The following NAPA variants were observed in gnomAD, a reference collection of about 807,000 sequenced individuals.
NAPA encodes the protein alpha-soluble NSF attachment protein.
A neutral mutation model predicts 48.0 loss-of-function variants in NAPA; 18 were observed. That is an observed-to-expected ratio of 0.38 (90% confidence interval 0.26 to 0.56). The LOEUF is 0.56. NAPA is among the 20% of genes least tolerant of loss of function. NAPA has a pLI of 0.77. For synonymous variants in NAPA, 152 were observed against 149.9 expected, an observed-to-expected ratio of 1.01 and a Z score of -0.10; for missense variants, 315 against 385.0, an observed-to-expected ratio of 0.82 and a Z score of 1.52.
chr19:47,485,305 T>G (rs10413780), downstream of NAPA, among the ~76,000 whole-genome samples: 99 of 152,266 alleles, frequency 6.5e-4, no homozygotes, highest in African/African-American at 2.3e-3. Context: ...TATCCCAGTT[T>G]AGAGAGAATC....
intron 3 of NAPA, chr19:47,496,698 T>C: frequency 3.3e-6 from 1 of 302,678 alleles, no homozygotes; most frequent in Non-Finnish European, 6.7e-6. Flanking sequence ...GGGGCTGGGC[T>C]CCTCTCAAGG....
chr19:47,498,958 A>G (rs1968501946), intron 3 of NAPA, among the ~76,000 whole-genome samples: 1 of 152,106 alleles, frequency 6.6e-6, no homozygotes, highest in South Asian at 2.1e-4. Flanking sequence ...TCCTTGAAAG[A>G]TCTCCCATAG....
At chr19:47,513,938 C>T (rs965799543) in intron 1 of NAPA, among the ~76,000 whole-genome samples, 1 of 33,802 alleles carries the variant, frequency 3.0e-5, no homozygotes, top group Non-Finnish European at 1.6e-4. Context: ...CAACCTCTAC[C>T]TCCGGGTTCA....
chr19:47,514,984 G>A lies in NAPA; in HGVS notation c.-44C>T, dbSNP rs1169242721. ...CAGCAAAGCGCCTGACCCTGACCCT[G>A]GGAAGACTCAGCCGCGGCCGGGCCG... On this transcript the variant is annotated 5_prime_UTR_variant, in exon 1 of 11. Coordinates refer to ENST00000263354, the MANE Select transcript of NAPA (RefSeq NM_003827.4). 6.3e-7 allele frequency: 1 copy of A among 1,586,980 alleles called. No homozygotes were observed. The highest frequency in any genetic ancestry group is 1.7e-5 in the Admixed American group (1 of 58,418).
Position 47,488,274 on chromosome 19 carries a change from G to T in NAPA, c.*14C>A, listed in dbSNP as rs1968130808. 1 of 1,603,170 alleles carries T rather than the reference G, an allele frequency of 6.2e-7. No homozygotes were observed. The highest frequency in any genetic ancestry group is 1.1e-5 in the South Asian group (1 of 90,794). On this transcript the variant is annotated 3_prime_UTR_variant, in exon 11 of 11. Coordinates refer to ENST00000263354, the MANE Select transcript of NAPA (RefSeq NM_003827.4). ...ATGGGACAGGAAGACGGGCACTGGG[G>T]GGCTGGGTGGGGCTTAGCGCAGGTC...
At chr19:47,487,476 T>C (rs953855414), downstream of NAPA, among the ~76,000 whole-genome samples, 12 of 151,754 alleles carry the variant, frequency 7.9e-5, no homozygotes, top group Non-Finnish European at 1.0e-4. Flanking sequence ...CGTCCCTGGG[T>C]CTCCCCCACC....
downstream of NAPA, among the ~76,000 whole-genome samples, chr19:47,485,692 C>A (rs968463806): frequency 1.3e-5 from 2 of 152,164 alleles, no homozygotes; most frequent in Admixed American, 1.3e-4. Context: ...ACAGCTCTTA[C>A]ATGATGGAAA....
chr19:47,507,122 G>C (rs2122772953), intron 1 of NAPA: 1 of 152,454 alleles, frequency 6.6e-6, no homozygotes, highest in East Asian at 1.9e-4. Flanking sequence ...CCTCCCCCAA[G>C]CTGCCTCTGC....
rs1599897947 is a variant in NAPA, at chr19:47,493,788, A to G, written c.343-295T>C. 2 of 431,672 alleles carry G rather than the reference A, an allele frequency of 4.6e-6. No individual in the cohort carries two copies. The highest frequency in any genetic ancestry group is 7.9e-5 in the East Asian group (2 of 25,176). The allele number at this position is 431,672 out of a possible 1,614,324, so 26.7% of individuals were successfully genotyped here. On this transcript the variant is annotated intron_variant, in intron 4 of 10. Coordinates refer to ENST00000263354, the MANE Select transcript of NAPA (RefSeq NM_003827.4). The surrounding 1 kb of genome is among the most constrained non-coding windows in gnomAD (Gnocchi z 6.4). The stretch of plus-strand genomic sequence containing the variant: ...GAGGGCACAGATGGTGTGACACCAG[A>G]GAGAATGTGAGCACGAGCACTTGGC...
chr19:47,508,527 G>A (rs1268124731), intron 1 of NAPA, among the ~76,000 whole-genome samples: 3 of 152,328 alleles, frequency 2.0e-5, no homozygotes, highest in East Asian at 1.9e-4. Flanking sequence ...CTCTGAAATC[G>A]CCACAGGACC....
At chr19:47,491,937 C>T (rs765475742) in intron 8 of NAPA, 78 bp downstream of exon 8, 56 of 1,321,002 alleles carry the variant, frequency 4.2e-5, no homozygotes, top group Middle Eastern at 1.9e-4. Flanking sequence ...CGTCCCTCTT[C>T]GGGGGCAACG....
At chr19:47,495,126 C>A (rs1968386477) in intron 4 of NAPA, 2 of 186,886 alleles carry the variant, frequency 1.1e-5, no homozygotes, top group Non-Finnish European at 2.2e-5. Context: ...CCTCAACCTC[C>A]CAAGAACTAG....
At chr19:47,485,567 G>T (rs1258916179), downstream of NAPA, among the ~76,000 whole-genome samples, 1 of 152,210 alleles carries the variant, frequency 6.6e-6, no homozygotes, top group African/African-American at 2.4e-5. Flanking sequence ...GCAGCAGGCT[G>T]ATCTCCCTTG....
chr19:47,500,460 GAA>G (rs1968546834), intron 3 of NAPA, among the ~76,000 whole-genome samples, 171 bp downstream of exon 3: 1 of 152,186 alleles, frequency 6.6e-6, no homozygotes, highest in African/African-American at 2.4e-5. Flanking sequence ...CAACTGGAAG[GAA>G]GAGAGCCAGT....
chr19:47,512,286 C>T (rs1260994089), intron 1 of NAPA, among the ~76,000 whole-genome samples: 1 of 152,122 alleles, frequency 6.6e-6, no homozygotes, highest in African/African-American at 2.4e-5. Context: ...GAGCACCCTC[C>T]CCGGCCCCAC....
chr19:47,507,803 T>C (rs1447481496), intron 1 of NAPA, among the ~76,000 whole-genome samples: 3 of 152,202 alleles, frequency 2.0e-5, no homozygotes, highest in Non-Finnish European at 2.9e-5. Context: ...CTTTGGGTGC[T>C]GCCCTTGCTT....
At chr19:47,513,790 C>G (rs995638828) in intron 1 of NAPA, among the ~76,000 whole-genome samples, 1 of 151,614 alleles carries the variant, frequency 6.6e-6, no homozygotes, top group African/African-American at 2.4e-5. Context: ...CATTCCCCCA[C>G]CCAGGAGTCT....
intron 1 of NAPA, among the ~76,000 whole-genome samples, chr19:47,511,099 C>T (rs1968796488): frequency 6.6e-6 from 1 of 152,218 alleles, no homozygotes; most frequent in Admixed American, 6.5e-5. Context: ...GCAGAGGCCC[C>T]TCAATGTGGG....
chr19:47,485,798 T>C (rs1334175364), downstream of NAPA, among the ~76,000 whole-genome samples: 1 of 152,190 alleles, frequency 6.6e-6, no homozygotes, highest in Non-Finnish European at 1.5e-5. Flanking sequence ...GAGGGCAGTC[T>C]GGGAATGCCG....
Sources: allele counts gnomAD v4.1 joint callset (sites outside exome capture counted in the v4.1 genomes callset), GRCh38; gene constraint gnomAD v4.1.1; non-coding constraint Gnocchi (gnomAD v3.1); transcripts MANE v1.5; gene names NCBI Gene and HGNC (gene_info 2026-07-23, HGNC 2026-07-21).